The following DIAPH3 variants were observed in gnomAD, a reference collection of about 807,000 sequenced individuals.
The protein encoded by DIAPH3 is protein diaphanous homolog 3.
A neutral mutation model predicts 144.3 loss-of-function variants in DIAPH3; 117 were observed. That is an observed-to-expected ratio of 0.81 (90% CI 0.70 to 0.95). The LOEUF (loss-of-function observed/expected upper bound fraction) is 0.95. Among genes scored for constraint, DIAPH3 ranks in the 40% least tolerant of loss-of-function variants. The pLI is 0.00. For missense variants in DIAPH3, 1,421 were observed against 1,412.7 expected (o/e 1.01, Z -0.09); for synonymous variants, 519 against 488.9 (o/e 1.06, Z -0.81).
chr13:59,789,531 T>C (rs1259463621), intron 25 of DIAPH3, among the ~76,000 whole-genome samples: 1 of 152,084 alleles, frequency 6.6e-6, no homozygotes, highest in African/African-American at 2.4e-5. Flanking sequence ...TCAATAAGAA[T>C]TAAAAAAAGA....
chr13:59,725,170 G>A (rs189148138), intron 27 of DIAPH3, among the ~76,000 whole-genome samples: 1 of 152,274 alleles, frequency 6.6e-6, no homozygotes, highest in East Asian at 1.9e-4. Context: ...CTAGCAATTT[G>A]CTGACTAGAA....
At chr13:59,946,194 T>C (rs2048787992) in intron 17 of DIAPH3, among the ~76,000 whole-genome samples, 1 of 152,204 alleles carries the variant, frequency 6.6e-6, no homozygotes, top group South Asian at 2.1e-4. Context: ...AATCCTATGA[T>C]GATTGAACAA....
chr13:59,747,577 C>G (rs2036768405), intron 27 of DIAPH3, among the ~76,000 whole-genome samples: 1 of 152,140 alleles, frequency 6.6e-6, no homozygotes, highest in Non-Finnish European at 1.5e-5. Context: ...TATTTTCAAG[C>G]CATCAGGTCC....
intron 19 of DIAPH3, among the ~76,000 whole-genome samples, chr13:59,912,125 GAACAGC>G (rs2140239371): frequency 6.6e-6 from 1 of 152,154 alleles, no homozygotes. Flanking sequence ...TATACCAAAG[GAACAGC>G]TTTCTCACCT....
chr13:59,824,683 G>C (rs918642765), intron 24 of DIAPH3, among the ~76,000 whole-genome samples: 15 of 152,052 alleles, frequency 9.9e-5, no homozygotes, highest in Admixed American at 2.0e-4. Flanking sequence ...TAACTACAAA[G>C]TTTGGCACAT....
Position 59,820,310 on chromosome 13 carries a change from C to A in DIAPH3, c.3028-9387G>T, listed in dbSNP as rs192950845. The stretch of plus-strand genomic sequence containing the variant: ...ATCCAATACAAGCTGCATCACTTGG[C>A]AGGAAAGCTATAGTGGTAAATTAAA... On this transcript the variant is annotated intron_variant, in intron 24 of 27. Transcript: ENST00000400324. 3.2e-3 allele frequency among the ~76,000 whole-genome samples: 480 copies of A among 151,970 alleles called. 3 individuals are homozygous for A. The highest frequency in any genetic ancestry group is 0.01 in the African/African-American group (423 of 41,514).
intron 3 of DIAPH3, among the ~76,000 whole-genome samples, chr13:60,104,045 T>C (rs1289592634): frequency 6.6e-6 from 1 of 152,150 alleles, no homozygotes; most frequent in East Asian, 1.9e-4. Context: ...ATGAATCTTA[T>C]CTAGTTCTGC....
At chr13:59,800,692 T>C (rs889578682) in intron 25 of DIAPH3, among the ~76,000 whole-genome samples, 1 of 152,256 alleles carries the variant, frequency 6.6e-6, no homozygotes, top group East Asian at 1.9e-4. Context: ...TCAGACCAAA[T>C]TCCTTCAGAA....
At chr13:59,791,537 G>A (rs866756546) in intron 25 of DIAPH3, among the ~76,000 whole-genome samples, 19 of 152,062 alleles carry the variant, frequency 1.2e-4, no homozygotes, top group African/African-American at 4.6e-4. Context: ...GGTAGCAGAG[G>A]GGAGATTTGA....
chr13:60,084,402 C>T (rs1367399722), intron 4 of DIAPH3, among the ~76,000 whole-genome samples: 1 of 151,814 alleles, frequency 6.6e-6, no homozygotes, highest in Admixed American at 6.6e-5. Context: ...GTGGGAAAGT[C>T]ACACATTCCC....
At chr13:59,895,207 G>A (rs931333605) in intron 20 of DIAPH3, among the ~76,000 whole-genome samples, 1 of 152,168 alleles carries the variant, frequency 6.6e-6, no homozygotes, top group East Asian at 1.9e-4. Context: ...GACAAATATA[G>A]TAAATCAAAT....
chr13:59,702,198 AT>A (rs1165180808), intron 27 of DIAPH3, among the ~76,000 whole-genome samples: 1 of 152,234 alleles, frequency 6.6e-6, no homozygotes. Context: ...ACACCCAGGC[AT>A]ACTCAGCATT....
At chr13:60,147,939 G>A (rs1232732473) in intron 1 of DIAPH3, among the ~76,000 whole-genome samples, 2 of 80,846 alleles carry the variant, frequency 2.5e-5, no homozygotes, top group East Asian at 4.4e-4. Context: ...AATCAGTTAG[G>A]AAGCTATTGC....
intron 4 of DIAPH3, among the ~76,000 whole-genome samples, chr13:60,058,395 G>A (rs189591025): frequency 6.3e-4 from 96 of 152,150 alleles, no homozygotes; most frequent in Non-Finnish European, 4.3e-4. Context: ...AATAACAGAT[G>A]TTGGCATGGA....
At chr13:59,909,617 T>C (rs1043518823) in intron 20 of DIAPH3, among the ~76,000 whole-genome samples, 5 of 152,206 alleles carry the variant, frequency 3.3e-5, no homozygotes, top group Non-Finnish European at 4.4e-5. Flanking sequence ...CGAAAACAAT[T>C]TGTTCAAGAG....
At chr13:60,045,635 A>G in intron 4 of DIAPH3, among the ~76,000 whole-genome samples, 1 of 152,138 alleles carries the variant, frequency 6.6e-6, no homozygotes, top group Admixed American at 6.6e-5. Context: ...TAAATTTTTC[A>G]AGTTTCCTGT....
intron 20 of DIAPH3, among the ~76,000 whole-genome samples, chr13:59,906,638 G>T (rs950087421): frequency 6.6e-6 from 1 of 152,132 alleles, no homozygotes; most frequent in Non-Finnish European, 1.5e-5. Context: ...AATGGTGGTA[G>T]ATCAAAATAC....
intron 17 of DIAPH3, among the ~76,000 whole-genome samples, chr13:59,939,859 TGTG>T (rs2048440393): frequency 6.6e-6 from 1 of 151,788 alleles, no homozygotes; most frequent in African/African-American, 2.4e-5. Flanking sequence ...TGTGTGTGTG[TGTG>T]TGTGTGTGTA....
intron 1 of DIAPH3, among the ~76,000 whole-genome samples, chr13:60,147,990 T>C (rs964810916): frequency 3.3e-5 from 5 of 151,836 alleles, no homozygotes; most frequent in Admixed American, 2.0e-4. Flanking sequence ...GAAGGTAAGA[T>C]AGATGAGGTC....
Sources: gnomAD v4.1 joint callset for allele counts (sites outside exome capture counted in the v4.1 genomes callset) on GRCh38, gnomAD v4.1.1 for gene constraint, MANE v1.5 for transcripts, NCBI Gene and HGNC (gene_info 2026-07-23, HGNC 2026-07-21) for gene names.